The following MTTP variants were observed in gnomAD, a reference collection of about 807,000 sequenced individuals.
The protein encoded by MTTP is microsomal triglyceride transfer protein large subunit.
Under a neutral mutation model 90.6 loss-of-function variants are expected in MTTP, and 49 were observed. The observed-to-expected ratio is 0.54, with a 90% CI of 0.43 to 0.69. MTTP has a LOEUF of 0.69. Ranked by LOEUF, MTTP falls within the 30% of genes least tolerant of loss-of-function variation. The pLI, the probability that MTTP is intolerant of heterozygous loss-of-function variation, is 0.00. For missense variants in MTTP, 945 were observed against 1,067.5 expected (o/e 0.89, Z 1.60); for synonymous variants, 347 against 384.2 (o/e 0.90, Z 1.13).
chr4:99,620,358 A>G (rs1726199589), intron 16 of MTTP, among the ~76,000 whole-genome samples: 1 of 152,210 alleles, frequency 6.6e-6, no homozygotes, highest in South Asian at 2.1e-4. Flanking sequence ...CAATTCAATT[A>G]CAGTAGAAGT....
intron 3 of MTTP, 124 bp downstream of exon 3, chr4:99,583,641 A>ACT: frequency 8.5e-7 from 1 of 1,170,868 alleles, no homozygotes; most frequent in African/African-American, 1.5e-5. Flanking sequence ...TTCTTCAAGA[A>ACT]CTAAAGAACA....
intron 1 of MTTP, among the ~76,000 whole-genome samples, chr4:99,576,417 C>T (rs1025685184): frequency 2.0e-5 from 3 of 152,126 alleles, no homozygotes; most frequent in East Asian, 1.9e-4. Flanking sequence ...AATTTAAGGC[C>T]GGGCGTGGTG....
At chr4:99,586,377 A>T (rs1725259833) in intron 3 of MTTP, among the ~76,000 whole-genome samples, 1 of 152,094 alleles carries the variant, frequency 6.6e-6, no homozygotes, top group Non-Finnish European at 1.5e-5. Flanking sequence ...TGCTGCTCCA[A>T]TTAACTGGAT....
chr4:99,622,952 T>C lies in MTTP; in HGVS notation c.*104T>C. On this transcript the variant is annotated 3_prime_UTR_variant, in exon 18 of 18. Coordinates refer to ENST00000265517, the MANE Select transcript of MTTP (RefSeq NM_001386140.1). ...AGAGCACAGCGTTTACATATTTACCTGTATTTAAGATTTTTGTAAAAAGCT... is the reference window on the plus strand; with the variant it reads ...AGAGCACAGCGTTTACATATTTACCCGTATTTAAGATTTTTGTAAAAAGCT... 2 of 1,371,652 alleles carry C rather than the reference T, an allele frequency of 1.5e-6. No individual in the cohort carries two copies. The highest frequency in any genetic ancestry group is 2.1e-6 in the Non-Finnish European group (2 of 963,276). The allele number at this position is 1,371,652 out of a possible 1,614,324, so 85.0% of individuals were successfully genotyped here. A position where few individuals can be genotyped will look rare whatever the true frequency, so the allele number is the denominator to read the frequency against.
intron 6 of MTTP, 147 bp downstream of exon 6, chr4:99,591,937 G>T: frequency 2.6e-6 from 2 of 754,966 alleles, no homozygotes; most frequent in South Asian, 3.5e-5. Context: ...TCTGAGAAAA[G>T]CATTGTTAGG....
chr4:99,586,586 T>C (rs1214851918), intron 3 of MTTP, among the ~76,000 whole-genome samples: 4 of 152,186 alleles, frequency 2.6e-5, no homozygotes, highest in African/African-American at 7.2e-5. Flanking sequence ...TATATTTCTT[T>C]ACTTGTTTGT....
chr4:99,582,171 A>C, intron 2 of MTTP, 79 bp downstream of exon 2: 1 of 1,400,418 alleles, frequency 7.1e-7, no homozygotes, highest in Non-Finnish European at 1.0e-6. Flanking sequence ...CAGCACTTGT[A>C]TTGGGTTCCC....
At chr4:99,571,739 T>C (rs1430735510), upstream of MTTP, among the ~76,000 whole-genome samples, 1 of 151,936 alleles carries the variant, frequency 6.6e-6, no homozygotes, top group African/African-American at 2.4e-5. Context: ...AATTTTGCCT[T>C]GGAATAAAAA....
At chr4:99,591,049 A>C (rs538244525) in intron 4 of MTTP, among the ~76,000 whole-genome samples, 186 bp from the exon 5 acceptor site, 1 of 152,158 alleles carries the variant, frequency 6.6e-6, no homozygotes, top group African/African-American at 2.4e-5. Flanking sequence ...ACACTCAACC[A>C]AAGAGAATGG....
upstream of MTTP, among the ~76,000 whole-genome samples, chr4:99,572,624 T>C (rs1724863636): frequency 6.6e-6 from 1 of 152,090 alleles, no homozygotes; most frequent in African/African-American, 2.4e-5. Context: ...GTTCCATAGA[T>C]GGCAGCTCTT....
Position 99,597,054 on chromosome 4 carries a change from G to A in MTTP, c.910-13G>A, listed in dbSNP as rs1578244492. On this transcript the variant is annotated splice_polypyrimidine_tract_variant and intron_variant, in intron 7 of 17. Coordinates refer to ENST00000265517, the MANE Select transcript of MTTP (RefSeq NM_001386140.1). ...TATGAGTGGGGTATGAGCCTGCAGT[G>A]TATGTTTTGCAGCTCTCGGAGCTCT... 6.2e-7 allele frequency: 1 copy of A among 1,613,466 alleles called. No individual in the cohort carries two copies. The highest frequency in any genetic ancestry group is 1.3e-5 in the African/African-American group (1 of 74,988).
intron 17 of MTTP, 97 bp from the exon 18 acceptor site, chr4:99,622,580 G>A: frequency 2.2e-6 from 3 of 1,342,086 alleles, no homozygotes; most frequent in Non-Finnish European, 3.2e-6. Flanking sequence ...GATTGCTTTG[G>A]AACAGAAACT....
At chr4:99,622,594 A>G in intron 17 of MTTP, 83 bp from the exon 18 acceptor site, 1 of 1,458,702 alleles carries the variant, frequency 6.9e-7, no homozygotes, top group Non-Finnish European at 9.6e-7. Context: ...AGAAACTTCA[A>G]GTACATTCAG....
Position 99,597,021 on chromosome 4 carries a change from T to G in MTTP, c.910-46T>G, listed in dbSNP as rs747536621. On this transcript the variant is annotated intron_variant, in intron 7 of 17. Transcript: ENST00000265517. The stretch of plus-strand genomic sequence containing the variant: ...AGAACACCCTTTGTAAATGTGGATG[T>G]TCACAGTTATGAGTGGGGTATGAGC... The G allele has an allele frequency of 2.5e-6, 4 of 1,611,006 alleles. No homozygotes were observed. In the Admixed American group the frequency reaches 6.7e-5, roughly 27 times the overall value.
chr4:99,565,512 C>T (rs908109938), intron 1 of MTTP, among the ~76,000 whole-genome samples: 1 of 152,100 alleles, frequency 6.6e-6, no homozygotes, highest in African/African-American at 2.4e-5. Flanking sequence ...ACAATATTTT[C>T]ATTGATTTGT....
intron 11 of MTTP, among the ~76,000 whole-genome samples, chr4:99,607,517 G>A (rs1340889681): frequency 6.6e-6 from 1 of 152,166 alleles, no homozygotes; most frequent in Non-Finnish European, 1.5e-5. Context: ...CTCTGGCTCT[G>A]TCCTTCCCTG....
In MTTP at chr4:99,622,677, G is replaced by A; in HGVS notation, c.2514G>A (p.Arg838=). 1.9e-6 allele frequency: 3 copies of A among 1,613,820 alleles called. No homozygotes were observed. The highest frequency in any genetic ancestry group is 2.5e-6 in the Non-Finnish European group (3 of 1,179,784). ...MQMDKDEAPF[R]QFEKKYERLS... is the part of the protein sequence containing the mutation. ...TGTTATTGTTGCTGTTGTTGTACAGGCAATTTGAGAAAAAGTACGAAAGGC... is the reference window on the plus strand; with the variant it reads ...TGTTATTGTTGCTGTTGTTGTACAGACAATTTGAGAAAAAGTACGAAAGGC... Residue 838 remains arginine (R), a splice_region_variant and synonymous_variant, in exon 18 of 18, where the codon AGG becomes AGA. Coordinates refer to ENST00000265517, the MANE Select transcript of MTTP (RefSeq NM_001386140.1).
chr4:99,617,364 C>CT (rs1450369558), intron 15 of MTTP, among the ~76,000 whole-genome samples: 1 of 152,132 alleles, frequency 6.6e-6, no homozygotes, highest in Non-Finnish European at 1.5e-5. Context: ...CGCAACCGTA[C>CT]TTTTTTAATA....
intron 1 of MTTP, among the ~76,000 whole-genome samples, chr4:99,564,597 T>C (rs1724614369): frequency 6.6e-6 from 1 of 152,218 alleles, no homozygotes; most frequent in Admixed American, 6.5e-5. Flanking sequence ...CTTGACCTTA[T>C]ATAATCTTTT....
Sources: gnomAD v4.1 joint callset for allele counts (sites outside exome capture counted in the v4.1 genomes callset) on GRCh38, gnomAD v4.1.1 for gene constraint, MANE v1.5 for transcripts, NCBI Gene and HGNC (gene_info 2026-07-23, HGNC 2026-07-21) for gene names.